The following PRKG1 variants were observed in gnomAD, a reference collection of about 807,000 sequenced individuals.
PRKG1 encodes protein kinase cGMP-dependent 1, also known as cGMP-dependent protein kinase 1.
PRKG1 carries 35 observed loss-of-function variants against 88.1 expected under a neutral mutation model. That is an observed-to-expected ratio of 0.40 (90% CI 0.30 to 0.53). PRKG1 has a LOEUF of 0.53. PRKG1 is among the 20% of genes least tolerant of loss of function. The pLI is 0.59. For missense variants in PRKG1, 540 were observed against 839.8 expected (o/e 0.64, Z 4.41); for synonymous variants, 303 against 292.5 (o/e 1.04, Z -0.37).
chr10:51,547,915 G>T (rs1186827364), intron 3 of PRKG1, among the ~76,000 whole-genome samples: 3 of 152,056 alleles, frequency 2.0e-5, no homozygotes, highest in African/African-American at 7.2e-5. Context: ...ATGAATTATT[G>T]TTCCCCATAT....
In PRKG1 at chr10:52,244,051, T is replaced by G. The variant is rs556446343; in HGVS notation, c.1077-7519T>G. Among the ~76,000 whole-genome samples, 8 of 152,210 alleles carry G rather than the reference T, an allele frequency of 5.3e-5. No homozygotes were observed. The South Asian group carries it at 1.7e-3, about 32-fold the overall frequency. On this transcript the variant is annotated intron_variant, in intron 9 of 17. Transcript: ENST00000373980. Reference sequence around the variant, plus strand: ...AGAGTAAATTGATATAATGAAATACTTCAGATTCATTAAATTACTTTTACA... The same window carrying G: ...AGAGTAAATTGATATAATGAAATACGTCAGATTCATTAAATTACTTTTACA...
At chr10:52,218,210 CAAAAA>C (rs35778588) in intron 9 of PRKG1, among the ~76,000 whole-genome samples, 1 of 95,258 alleles carries the variant, frequency 1.0e-5, no homozygotes, top group Admixed American at 1.2e-4. Context: ...GACTCCATCT[CAAAAA>C]AAAAAAAAAA....
chr10:51,462,737 A>C (rs1839778270), intron 2 of PRKG1, among the ~76,000 whole-genome samples: 2 of 152,304 alleles, frequency 1.3e-5, no homozygotes, highest in African/African-American at 2.4e-5. Flanking sequence ...GCTAAATAAA[A>C]CTATAAATAA....
intron 3 of PRKG1, among the ~76,000 whole-genome samples, chr10:51,678,219 CGCTGGG>C (rs1840759423): frequency 1.3e-5 from 2 of 152,114 alleles, no homozygotes; most frequent in Non-Finnish European, 2.9e-5. Flanking sequence ...ATTCTTGACA[CGCTGGG>C]GCTCCCTACA....
At chr10:52,052,241 T>C (rs377447917) in intron 5 of PRKG1, among the ~76,000 whole-genome samples, 2 of 151,954 alleles carry the variant, frequency 1.3e-5, no homozygotes, top group Non-Finnish European at 2.9e-5. Context: ...CATCTTTGTG[T>C]TATCAATGCC....
chr10:51,182,135 C>G (rs1048847632), intron 2 of PRKG1, among the ~76,000 whole-genome samples: 17 of 152,132 alleles, frequency 1.1e-4, no homozygotes, highest in Non-Finnish European at 1.5e-4. Flanking sequence ...GTATATAACA[C>G]CAGTCCTTTG....
chr10:51,572,826 C>A (rs528073693), intron 3 of PRKG1, among the ~76,000 whole-genome samples: 1 of 151,858 alleles, frequency 6.6e-6, no homozygotes, highest in East Asian at 1.9e-4. Flanking sequence ...CGCATTGTAC[C>A]ATGCTGCTGC....
At chr10:51,375,965 A>T (rs2132619049) in intron 2 of PRKG1, among the ~76,000 whole-genome samples, 1 of 152,358 alleles carries the variant, frequency 6.6e-6, no homozygotes, top group African/African-American at 2.4e-5. Flanking sequence ...TTCACAGATG[A>T]CAGTTTATTC....
chr10:51,994,256 TAG>T (rs1261701156), intron 5 of PRKG1, among the ~76,000 whole-genome samples: 1 of 152,162 alleles, frequency 6.6e-6, no homozygotes, highest in Non-Finnish European at 1.5e-5. Flanking sequence ...ACTTTTATGT[TAG>T]AGAGTGAGAA....
At chr10:51,641,966 G>A (rs542878141) in intron 3 of PRKG1, among the ~76,000 whole-genome samples, 31 of 152,234 alleles carry the variant, frequency 2.0e-4, no homozygotes, top group African/African-American at 7.0e-4. Context: ...CTATGCAAAG[G>A]TGAAAGGGGG....
At chr10:51,956,769 T>C (rs1355939968) in intron 5 of PRKG1, among the ~76,000 whole-genome samples, 1 of 152,054 alleles carries the variant, frequency 6.6e-6, no homozygotes, top group Non-Finnish European at 1.5e-5. Flanking sequence ...TCATATTCAC[T>C]CTGTACCATG....
intron 5 of PRKG1, among the ~76,000 whole-genome samples, chr10:52,037,431 GT>G (rs1845645991): frequency 1.3e-5 from 2 of 152,174 alleles, no homozygotes; most frequent in Admixed American, 1.3e-4. Flanking sequence ...AATTTTTGGA[GT>G]TTTATTTAAT....
intron 1 of PRKG1, 41 bp from the exon 2 acceptor site, chr10:51,153,123 C>T (rs1011837616): frequency 6.3e-7 from 1 of 1,582,552 alleles, no homozygotes; most frequent in Non-Finnish European, 8.6e-7. Flanking sequence ...TATGAAAGAG[C>T]TTGTCAGATG....
At position 51,560,665 on chromosome 10, in the gene PRKG1, T is replaced by A. The variant is rs1435884836; in HGVS notation, c.592+92829T>A. Among the ~76,000 whole-genome samples, 4 of 152,004 alleles carry A rather than the reference T, an allele frequency of 2.6e-5. No homozygotes were observed. In the East Asian group the frequency reaches 7.7e-4, roughly 29 times the overall value. On this transcript the variant is annotated intron_variant, in intron 3 of 17. Coordinates refer to ENST00000373980, the MANE Select transcript of PRKG1 (RefSeq NM_006258.4). ...TAACTGAAGTTCAGTCCTAACATTTTAAAAATACATTATATTGAAAAGAAA... is the reference window on the plus strand; with the variant it reads ...TAACTGAAGTTCAGTCCTAACATTTAAAAAATACATTATATTGAAAAGAAA...
chr10:52,101,628 C>A lies in PRKG1; in HGVS notation c.936-32212C>A, dbSNP rs1377995953. Among the ~76,000 whole-genome samples, 3 of 152,268 alleles carry A rather than the reference C, an allele frequency of 2.0e-5. No homozygotes were observed. The East Asian group carries it at 5.8e-4, about 29-fold the overall frequency. On this transcript the variant is annotated intron_variant, in intron 7 of 17. Transcript: ENST00000373980. ...TCTAAATAATTCATGTGTATTGACT[C>A]ATTTAGTCTTCAGACCAACCCTATG...
intron 9 of PRKG1, among the ~76,000 whole-genome samples, chr10:52,177,823 C>A (rs1589676307): frequency 6.6e-6 from 1 of 151,462 alleles, no homozygotes; most frequent in South Asian, 2.1e-4. Context: ...CTTTGTATTT[C>A]TGTGGTCTCT....
At chr10:51,688,866 A>C (rs901171461) in intron 3 of PRKG1, among the ~76,000 whole-genome samples, 1 of 152,082 alleles carries the variant, frequency 6.6e-6, no homozygotes. Context: ...CTGTGTCCCC[A>C]CTCAAATCTC....
At chr10:51,809,418 GA>G (rs1053113745) in intron 4 of PRKG1, among the ~76,000 whole-genome samples, 5 of 152,160 alleles carry the variant, frequency 3.3e-5, no homozygotes, top group African/African-American at 1.2e-4. Flanking sequence ...TTGTTTTTAA[GA>G]CAGATTCTGA....
chr10:52,009,252 T>C (rs1844819665), intron 5 of PRKG1, among the ~76,000 whole-genome samples: 1 of 152,170 alleles, frequency 6.6e-6, no homozygotes, highest in Non-Finnish European at 1.5e-5. Flanking sequence ...ACAGATGATG[T>C]GATTCTATAT....
Sources: gnomAD v4.1 joint callset for allele counts (sites outside exome capture counted in the v4.1 genomes callset) on GRCh38, gnomAD v4.1.1 for gene constraint, MANE v1.5 for transcripts, NCBI Gene and HGNC (gene_info 2026-07-23, HGNC 2026-07-21) for gene names.